The following C11orf65 variants were observed in gnomAD, a reference collection of about 807,000 sequenced individuals.
C11orf65 encodes chromosome 11 open reading frame 65.
A neutral mutation model predicts 35.3 loss-of-function variants in C11orf65; 38 were observed. The observed-to-expected ratio is 1.08, with a 90% CI of 0.83 to 1.41. C11orf65 has a LOEUF of 1.41. Among genes scored for constraint, C11orf65 ranks in the 40% most tolerant of loss-of-function variants. C11orf65 has a pLI of 0.00. For missense variants in C11orf65, 370 were observed against 367.1 expected (o/e 1.01, Z -0.06); for synonymous variants, 105 against 114.4 (o/e 0.92, Z 0.53).
chr11:108,355,216 A>G (rs1047267664), intron 2 of C11orf65: 1 of 291,200 alleles, frequency 3.4e-6, no homozygotes, highest in Non-Finnish European at 6.6e-6. Context: ...AGAAATTTAT[A>G]TCTCCTTTTT....
At chr11:108,373,848 A>G (rs1414992205) in intron 2 of C11orf65, among the ~76,000 whole-genome samples, 1 of 152,250 alleles carries the variant, frequency 6.6e-6, no homozygotes, top group Admixed American at 6.5e-5. Flanking sequence ...CGACGGGCTT[A>G]GGAAACGGTG....
intron 2 of C11orf65, among the ~76,000 whole-genome samples, chr11:108,369,575 T>C (rs536631520): frequency 6.6e-6 from 1 of 152,334 alleles, no homozygotes; most frequent in African/African-American, 2.4e-5. Context: ...GGAGTCAAAG[T>C]TTCCACAAAG....
intron 3 of C11orf65, among the ~76,000 whole-genome samples, chr11:108,419,689 G>A (rs2092787829): frequency 6.6e-6 from 1 of 152,300 alleles, no homozygotes; most frequent in African/African-American, 2.4e-5. Context: ...GTAACAGAGT[G>A]AGACCTGGCC....
intron 2 of C11orf65, among the ~76,000 whole-genome samples, chr11:108,447,587 G>C (rs11501007): frequency 0.19 from 28,737 of 151,876 alleles, 3,192 homozygotes; most frequent in African/African-American, 0.29. Context: ...TGAAACCAAC[G>C]AGAACAAAGG....
At position 108,335,087 on chromosome 11, in the gene C11orf65, A is replaced by G. The variant is rs587782001; in HGVS notation, c.299+133T>C. 5.0e-6 allele frequency: 8 copies of G among 1,614,006 alleles called. No individual in the cohort carries two copies. Among genetic ancestry groups the G allele is most frequent in the African/African-American group, 1.3e-5 (1 of 74,946 alleles). On this transcript the variant is annotated intron_variant, in intron 3 of 3. Coordinates refer to the C11orf65 transcript ENST00000524755. ...ATAGATTGTGTAGGTTCCGATGGCA[A>G]GGAGAGGAGACAGCTTGTTAAGGTG...
chr11:108,454,927 T>C (rs147492572), intron 2 of C11orf65, among the ~76,000 whole-genome samples: 4 of 152,354 alleles, frequency 2.6e-5, no homozygotes, highest in African/African-American at 9.6e-5. Context: ...TGGTCTTAGT[T>C]TGTTCTTCTG....
intron 6 of C11orf65, among the ~76,000 whole-genome samples, chr11:108,396,265 G>T (rs1036588676): frequency 2.6e-5 from 4 of 151,444 alleles, no homozygotes; most frequent in Non-Finnish European, 4.4e-5. Flanking sequence ...GCTAATTTTT[G>T]TATTTTTAGT....
At chr11:108,329,400 G>T, downstream of C11orf65, 1 of 708,288 alleles carries the variant, frequency 1.4e-6, no homozygotes, top group Non-Finnish European at 2.3e-6. Context: ...GTTCTTTTCG[G>T]TTTTTGTTTT....
At chr11:108,339,389 T>C (rs779372916) in intron 2 of C11orf65, among the ~76,000 whole-genome samples, 2 of 152,176 alleles carry the variant, frequency 1.3e-5, no homozygotes, top group Non-Finnish European at 2.9e-5. Context: ...TCTATCTCAG[T>C]CATGGTTCTG....
At chr11:108,377,169 C>T (rs1373172285) in intron 2 of C11orf65, among the ~76,000 whole-genome samples, 1 of 151,604 alleles carries the variant, frequency 6.6e-6, no homozygotes, top group African/African-American at 2.4e-5. Flanking sequence ...CGAGCAGAGA[C>T]ACAACCAAAA....
intron 2 of C11orf65, among the ~76,000 whole-genome samples, chr11:108,447,234 A>C (rs1243694403): frequency 6.6e-6 from 1 of 152,142 alleles, no homozygotes; most frequent in African/African-American, 2.4e-5. Flanking sequence ...CGAGACAGAA[A>C]GTTAACAAGG....
At chr11:108,365,013 T>A (rs2137859093) in intron 2 of C11orf65, 1 of 1,555,684 alleles carries the variant, frequency 6.4e-7, no homozygotes, top group Non-Finnish European at 8.8e-7. Context: ...ATGATACTGG[T>A]TCTACTGTTT....
In C11orf65 at chr11:108,457,656, T is replaced by G. The variant is rs113508899; in HGVS notation, c.81+3823A>C. ...AGACTCCATCTCAAAAAAAGAAAGT[T>G]AAAAACGGTTGCTTTTAGTGTATGA... On this transcript the variant is annotated intron_variant, in intron 2 of 8. Coordinates refer to ENST00000393084, the MANE Select transcript of C11orf65 (RefSeq NM_152587.5). Among the ~76,000 whole-genome samples, 1,056 of 152,100 alleles carry G rather than the reference T, an allele frequency of 6.9e-3. 15 individuals carry two copies. Among genetic ancestry groups the G allele is most frequent in the African/African-American group, 0.024 (1,010 of 41,512 alleles).
At chr11:108,381,703 G>A (rs1032993828), downstream of C11orf65, among the ~76,000 whole-genome samples, 2 of 152,074 alleles carry the variant, frequency 1.3e-5, no homozygotes, top group Admixed American at 1.3e-4. Context: ...CTGTACCAAT[G>A]TCTTATGGTT....
At chr11:108,447,520 G>C (rs1565711418) in intron 2 of C11orf65, among the ~76,000 whole-genome samples, 2 of 152,072 alleles carry the variant, frequency 1.3e-5, no homozygotes, top group Non-Finnish European at 2.9e-5. Flanking sequence ...TGAACAACCT[G>C]CTCCTGAATG....
intron 2 of C11orf65, among the ~76,000 whole-genome samples, chr11:108,364,552 C>A (rs1237157127): frequency 6.6e-6 from 1 of 152,140 alleles, no homozygotes; most frequent in African/African-American, 2.4e-5. Context: ...CTTTCTGGAT[C>A]CACCCAGATT....
chr11:108,375,860 A>C (rs1165524833), intron 2 of C11orf65, among the ~76,000 whole-genome samples: 5 of 152,234 alleles, frequency 3.3e-5, no homozygotes, highest in Non-Finnish European at 2.9e-5. Flanking sequence ...AACAGACTTT[A>C]AACCAACAAA....
intron 6 of C11orf65, among the ~76,000 whole-genome samples, chr11:108,401,660 C>A (rs2092441970): frequency 6.6e-6 from 1 of 152,176 alleles, no homozygotes. Context: ...CCATGAAATG[C>A]TTAAAAGGTA....
intron 2 of C11orf65, among the ~76,000 whole-genome samples, chr11:108,439,742 A>T (rs747485767): frequency 2.6e-5 from 4 of 152,200 alleles, no homozygotes; most frequent in Non-Finnish European, 4.4e-5. Flanking sequence ...AAATCCACTT[A>T]AATGAGGTAC....
Sources: gnomAD v4.1 joint callset for allele counts (sites outside exome capture counted in the v4.1 genomes callset) on GRCh38, gnomAD v4.1.1 for gene constraint, MANE v1.5 for transcripts, NCBI Gene and HGNC (gene_info 2026-07-23, HGNC 2026-07-21) for gene names.